The following DCP1B variants were observed in gnomAD, a reference collection of about 807,000 sequenced individuals.
DCP1B encodes the protein mRNA-decapping enzyme 1B.
DCP1B carries 47 observed loss-of-function variants against 60.5 expected under a neutral mutation model. That is an observed-to-expected ratio of 0.78 (90% CI 0.61 to 0.99). The LOEUF (loss-of-function observed/expected upper bound fraction) is 0.99, where lower values mean the gene tolerates loss of function less well. Ranked by LOEUF, DCP1B falls within the 50% of genes least tolerant of loss-of-function variation. The pLI, the probability that DCP1B is intolerant of heterozygous loss-of-function variation, is 0.00. For missense variants in DCP1B, 725 were observed against 756.8 expected (o/e 0.96, Z 0.49); for synonymous variants, 267 against 280.3 (o/e 0.95, Z 0.47).
At chr12:1,950,797 C>T (rs901663258) in intron 7 of DCP1B, among the ~76,000 whole-genome samples, 1 of 152,110 alleles carries the variant, frequency 6.6e-6, no homozygotes, top group Non-Finnish European at 1.5e-5. Context: ...CAGTGGCATG[C>T]CACCATACCC....
Position 1,946,260 on chromosome 12 carries a change from G to T in DCP1B, c.1800C>A (p.Ile600=), listed in dbSNP as rs1039037795. The change falls in exon 9 of 9, where the codon ATC becomes ATA. Residue 600 remains isoleucine, a synonymous_variant. Transcript: ENST00000280665. ...TCATGCTGAAGAGATAGGCTTCATA[G>T]ATTATATTTAAGAAGTTGTCATCAT... ...IQNDDNFLNI[I]YEAYLFSMTQ... is the part of the protein sequence containing the mutation. 1.9e-6 allele frequency: 3 copies of T among 1,607,712 alleles called. No homozygotes were observed. In the African/African-American group the frequency reaches 4.0e-5, roughly 22 times the overall value.
intron 1 of DCP1B, among the ~76,000 whole-genome samples, chr12:1,999,538 T>C (rs1480886856): frequency 1.3e-5 from 2 of 151,710 alleles, no homozygotes; most frequent in African/African-American, 2.4e-5. Flanking sequence ...CTGGGCAACA[T>C]AGTGAGACCT....
At chr12:1,994,639 A>G (rs1383697862) in intron 2 of DCP1B, among the ~76,000 whole-genome samples, 1 of 152,212 alleles carries the variant, frequency 6.6e-6, no homozygotes, top group Non-Finnish European at 1.5e-5. Flanking sequence ...GGGTGTCTCT[A>G]TGAACTCTCT....
intron 3 of DCP1B, among the ~76,000 whole-genome samples, chr12:1,979,103 C>A (rs1325567330): frequency 1.3e-5 from 2 of 151,396 alleles, no homozygotes; most frequent in African/African-American, 4.9e-5. Context: ...ACCTCCGCCT[C>A]CCGCGTTCAA....
At chr12:1,951,518 A>C (rs1229907119) in intron 7 of DCP1B, among the ~76,000 whole-genome samples, 5 of 152,130 alleles carry the variant, frequency 3.3e-5, no homozygotes, top group African/African-American at 1.2e-4. Context: ...TCTCTAAAGG[A>C]GAGAATCTTT....
At chr12:1,982,451 T>G (rs1593037445) in intron 3 of DCP1B, among the ~76,000 whole-genome samples, 1 of 152,170 alleles carries the variant, frequency 6.6e-6, no homozygotes, top group African/African-American at 2.4e-5. Context: ...TCTAGGTACC[T>G]CACAGAAGTG....
chr12:1,972,773 G>C (rs890503852), intron 3 of DCP1B, among the ~76,000 whole-genome samples: 6 of 151,922 alleles, frequency 3.9e-5, no homozygotes, highest in African/African-American at 1.5e-4. Context: ...AGTTCATATG[G>C]ACTCTCAAAA....
At chr12:1,951,712 G>A (rs890905335) in intron 7 of DCP1B, among the ~76,000 whole-genome samples, 1 of 152,220 alleles carries the variant, frequency 6.6e-6, no homozygotes, top group Non-Finnish European at 1.5e-5. Flanking sequence ...AGCATGGGCT[G>A]TGGGTAAGGA....
intron 7 of DCP1B, 76 bp downstream of exon 7, chr12:1,952,340 C>CTTTTA: frequency 7.6e-7 from 1 of 1,319,364 alleles, no homozygotes; most frequent in East Asian, 2.6e-5. Flanking sequence ...AGCCTGGCTA[C>CTTTTA]TTTTTTTTTT....
rs1421862781 is a variant in DCP1B, at chr12:1,971,232, GGAAGAACATGTT to G, written c.320-3334_320-3323del. 1 of 1,226,020 alleles carries G rather than the reference GGAAGAACATGTT, an allele frequency of 8.2e-7. No homozygotes were observed. The highest frequency in any genetic ancestry group is 1.3e-5 in the South Asian group (1 of 78,968). The allele number at this position is 1,226,020 out of a possible 1,614,324, so 75.9% of individuals were successfully genotyped here. On this transcript the variant is annotated intron_variant, in intron 3 of 8. Coordinates refer to ENST00000280665, the MANE Select transcript of DCP1B (RefSeq NM_152640.5). This position sits in a 1 kb window ranked among gnomAD's most constrained non-coding sequence, Gnocchi z 4.2. ...AAACCCTAAAGTGAAATAAAGAGTA[GGAAGAACATGTT>G]GAAATTTACTCTAAATATCCTAATG...
chr12:1,989,438 G>C (rs940980441), intron 3 of DCP1B, among the ~76,000 whole-genome samples: 2 of 152,350 alleles, frequency 1.3e-5, no homozygotes, highest in African/African-American at 4.8e-5. Flanking sequence ...AAAGGGGCTG[G>C]GCGTGGTGGC....
rs1362097447 is a variant in DCP1B, at chr12:1,982,833, T to A, written c.319+10431A>T. ...GTTGGAAAATAATACCTCTTCTACT[T>A]TCTGAAAGAGATTGTATAGAATTGG... On this transcript the variant is annotated intron_variant, in intron 3 of 8. Transcript: ENST00000280665. 2.0e-5 allele frequency among the ~76,000 whole-genome samples: 3 copies of A among 152,146 alleles called. No homozygotes were observed. In the South Asian group the frequency reaches 6.2e-4, roughly 31 times the overall value.
chr12:1,989,713 C>T (rs7487506), intron 3 of DCP1B, among the ~76,000 whole-genome samples: 47,215 of 152,092 alleles, frequency 0.31, 7,560 homozygotes, highest in East Asian at 0.54. Flanking sequence ...GACTCCGTCT[C>T]AATTGAAAAA....
chr12:1,969,864 T>G (rs2031781113), intron 3 of DCP1B, among the ~76,000 whole-genome samples: 1 of 152,194 alleles, frequency 6.6e-6, no homozygotes, highest in East Asian at 1.9e-4. Flanking sequence ...GAGCCTGGCC[T>G]ATTTTTTTGG....
intron 3 of DCP1B, chr12:1,991,043 T>C: frequency 2.2e-6 from 1 of 451,902 alleles, no homozygotes; most frequent in Admixed American, 2.4e-5. Context: ...TCCCTTTCAC[T>C]CTTTGTTGTT....
rs576334121 is a variant in DCP1B, at chr12:1,948,463, A to T, written c.1773+623T>A. On this transcript the variant is annotated intron_variant, in intron 8 of 8. Transcript: ENST00000280665. This position sits in a 1 kb window ranked among gnomAD's most constrained non-coding sequence, Gnocchi z 4.8. The stretch of plus-strand genomic sequence containing the variant: ...AATGAGTTATATGCTTGTGTGTAGC[A>T]CTGAAAATAGGGCCCGGCGCCAGCT... 5.9e-4 allele frequency among the ~76,000 whole-genome samples: 90 copies of T among 152,352 alleles called. No individual in the cohort carries two copies. Among genetic ancestry groups the T allele is most frequent in the Non-Finnish European group, 1.1e-3 (73 of 68,036 alleles).
At chr12:2,002,177 A>C (rs2042322429) in intron 1 of DCP1B, among the ~76,000 whole-genome samples, 1 of 152,162 alleles carries the variant, frequency 6.6e-6, no homozygotes, top group African/African-American at 2.4e-5. Context: ...ATCCATTTTC[A>C]GGGCAATAAG....
intron 1 of DCP1B, among the ~76,000 whole-genome samples, chr12:1,998,421 A>T (rs2041443817): frequency 6.6e-6 from 1 of 152,176 alleles, no homozygotes; most frequent in Non-Finnish European, 1.5e-5. Context: ...TGCCATATCC[A>T]GTGACTTAGG....
chr12:1,987,540 G>A (rs911060486), intron 3 of DCP1B, among the ~76,000 whole-genome samples: 1 of 152,106 alleles, frequency 6.6e-6, no homozygotes, highest in African/African-American at 2.4e-5. Context: ...ACTGCTCCCT[G>A]AAAGCAATTT....
Sources: gnomAD v4.1 joint callset for allele counts (sites outside exome capture counted in the v4.1 genomes callset) on GRCh38, gnomAD v4.1.1 for gene constraint, Gnocchi (gnomAD v3.1) non-coding constraint, MANE v1.5 for transcripts, NCBI Gene and HGNC (gene_info 2026-07-23, HGNC 2026-07-21) for gene names.